DYM: variants seen among roughly 807,000 people sequenced by gnomAD.
The protein encoded by DYM is dyggve-Melchior-Clausen syndrome protein.
A neutral mutation model predicts 93.1 loss-of-function variants in DYM; 78 were observed. The ratio of observed to expected loss-of-function variants is 0.84; its 90% CI spans 0.70 to 1.01. The LOEUF (loss-of-function observed/expected upper bound fraction) is 1.01. DYM is among the 50% of genes least tolerant of loss of function. DYM has a pLI of 0.00. For missense variants in DYM, 789 were observed against 845.0 expected, an observed-to-expected ratio of 0.93 and a Z score of 0.82; for synonymous variants, 321 against 319.7, an observed-to-expected ratio of 1.00 and a Z score of -0.04.
intron 17 of DYM, among the ~76,000 whole-genome samples, chr18:49,064,462 T>C (rs549616303): frequency 2.0e-5 from 3 of 152,316 alleles, no homozygotes; most frequent in South Asian, 4.1e-4. Flanking sequence ...TAGATCCACT[T>C]CTGTGAAGCT....
chr18:49,364,931 A>G lies in DYM; in HGVS notation c.422-1698T>C, dbSNP rs2066381474. Among the ~76,000 whole-genome samples, 10 of 152,312 alleles carry G rather than the reference A, an allele frequency of 6.6e-5. No homozygotes were observed. The South Asian group carries it at 2.1e-3, about 32-fold the overall frequency. ...TCTCACCCTGAATAATCTATAAAGTATCTATGCCTTGTGCATGCCTCTTGC... is the reference window on the plus strand; with the variant it reads ...TCTCACCCTGAATAATCTATAAAGTGTCTATGCCTTGTGCATGCCTCTTGC... On this transcript the variant is annotated intron_variant, in intron 5 of 17. Coordinates refer to ENST00000675505, the MANE Select transcript of DYM (RefSeq NM_001353214.3).
At chr18:49,196,695 C>T (rs1249858628) in intron 14 of DYM, among the ~76,000 whole-genome samples, 1 of 152,096 alleles carries the variant, frequency 6.6e-6, no homozygotes, top group Non-Finnish European at 1.5e-5. Context: ...TGAGCAACTC[C>T]TGGAAGAGAA....
chr18:49,180,610 A>G (rs1299253824), intron 14 of DYM, among the ~76,000 whole-genome samples: 1 of 152,182 alleles, frequency 6.6e-6, no homozygotes, highest in Non-Finnish European at 1.5e-5. Flanking sequence ...AGCTAGCATC[A>G]TATAATATTT....
At chr18:49,378,785 G>T in intron 4 of DYM, 85 bp from the exon 5 acceptor site, 2 of 1,446,540 alleles carry the variant, frequency 1.4e-6, no homozygotes, top group Non-Finnish European at 1.9e-6. Flanking sequence ...TTCCTGATTT[G>T]ACAACCGTTT....
At chr18:49,104,720 T>C (rs1296018763) in intron 16 of DYM, among the ~76,000 whole-genome samples, 1 of 152,246 alleles carries the variant, frequency 6.6e-6, no homozygotes, top group Non-Finnish European at 1.5e-5. Flanking sequence ...TGTTTATTGA[T>C]TTGGTATGTT....
intron 17 of DYM, among the ~76,000 whole-genome samples, chr18:49,045,100 G>A (rs2071302833): frequency 6.6e-6 from 1 of 152,322 alleles, no homozygotes; most frequent in African/African-American, 2.4e-5. Flanking sequence ...TTGCCAAGGC[G>A]TCGCTGGCAG....
chr18:49,381,172 T>G (rs906852900), intron 3 of DYM, among the ~76,000 whole-genome samples: 1 of 152,162 alleles, frequency 6.6e-6, no homozygotes, highest in African/African-American at 2.4e-5. Flanking sequence ...AATTGTATTT[T>G]TTGTAGAGAT....
At chr18:49,046,729 A>G (rs370927124) in intron 17 of DYM, among the ~76,000 whole-genome samples, 1 of 152,232 alleles carries the variant, frequency 6.6e-6, no homozygotes, top group African/African-American at 2.4e-5. Flanking sequence ...GCAAGACCCT[A>G]TCTTTACAAA....
chr18:49,412,348 T>C (rs1182344556), intron 2 of DYM, among the ~76,000 whole-genome samples: 1 of 152,104 alleles, frequency 6.6e-6, no homozygotes, highest in Non-Finnish European at 1.5e-5. Context: ...AAAGGATATA[T>C]TTCCCCCATT....
At chr18:49,456,403 A>G (rs1357333386) in intron 1 of DYM, among the ~76,000 whole-genome samples, 1 of 152,240 alleles carries the variant, frequency 6.6e-6, no homozygotes. Context: ...GGAGGGTTGC[A>G]TGACATATTT....
At chr18:49,192,748 G>A (rs986593694) in intron 14 of DYM, among the ~76,000 whole-genome samples, 6 of 150,812 alleles carry the variant, frequency 4.0e-5, no homozygotes, top group African/African-American at 1.5e-4. Flanking sequence ...CAATTGCCTT[G>A]GCTACTTGGG....
chr18:49,043,846 C>T lies in DYM; in HGVS notation c.*209G>A, dbSNP rs984541594. ...ATTTATTATTGTTGTGTATTTCCTC[C>T]CCTTTTTGCAATACTATCTACGCTG... On this transcript the variant is annotated 3_prime_UTR_variant, in exon 18 of 18. Coordinates refer to ENST00000675505, the MANE Select transcript of DYM (RefSeq NM_001353214.3). 1.1e-5 allele frequency: 7 copies of T among 624,034 alleles called. No individual in the cohort carries two copies. The highest frequency in any genetic ancestry group is 2.0e-5 in the South Asian group (1 of 50,764). 38.7% of individuals were successfully genotyped at this position (624,034 alleles called of 1,614,324 possible).
At chr18:49,424,319 C>G (rs1405947605) in intron 2 of DYM, among the ~76,000 whole-genome samples, 1 of 152,026 alleles carries the variant, frequency 6.6e-6, no homozygotes, top group African/African-American at 2.4e-5. Flanking sequence ...TCAATAGATG[C>G]AGAAAAGGCC....
chr18:49,186,874 G>A (rs2090481187), intron 14 of DYM, among the ~76,000 whole-genome samples: 1 of 150,898 alleles, frequency 6.6e-6, no homozygotes, highest in Non-Finnish European at 1.5e-5. Flanking sequence ...GTGAATATCC[G>A]ATTGTCAAAA....
intron 8 of DYM, among the ~76,000 whole-genome samples, chr18:49,330,014 A>T (rs528789478): frequency 6.6e-6 from 1 of 152,240 alleles, no homozygotes; most frequent in Non-Finnish European, 1.5e-5. Flanking sequence ...GGATTAACTT[A>T]AAATTACATG....
chr18:49,292,762 C>A (rs2060246471), intron 8 of DYM, among the ~76,000 whole-genome samples: 1 of 152,046 alleles, frequency 6.6e-6, no homozygotes, highest in Non-Finnish European at 1.5e-5. Flanking sequence ...CTCCTAAAAT[C>A]CATCTAACTA....
intron 17 of DYM, among the ~76,000 whole-genome samples, chr18:49,095,411 T>C (rs912250656): frequency 6.6e-6 from 1 of 152,234 alleles, no homozygotes; most frequent in Admixed American, 6.5e-5. Flanking sequence ...AAATGTAATT[T>C]TAGTAAATGT....
At chr18:49,238,246 A>C (rs1402947269) in intron 13 of DYM, among the ~76,000 whole-genome samples, 2 of 152,114 alleles carry the variant, frequency 1.3e-5, no homozygotes, top group Non-Finnish European at 2.9e-5. Flanking sequence ...TTTAAACTGC[A>C]ATTTTCTTAT....
intron 1 of DYM, among the ~76,000 whole-genome samples, chr18:49,455,416 T>C (rs2082898899): frequency 6.6e-6 from 1 of 152,208 alleles, no homozygotes; most frequent in South Asian, 2.1e-4. Flanking sequence ...TCGAGAAATC[T>C]AAAGGAAGAG....
Sources: allele counts gnomAD v4.1 joint callset (sites outside exome capture counted in the v4.1 genomes callset), GRCh38; gene constraint gnomAD v4.1.1; transcripts MANE v1.5; gene names NCBI Gene and HGNC (gene_info 2026-07-23, HGNC 2026-07-21).